The following OXR1 variants were observed in gnomAD, a reference collection of about 807,000 sequenced individuals.
OXR1 encodes the protein oxidation resistance 1, also known as oxidation resistance protein 1.
Under a neutral mutation model 104.6 loss-of-function variants are expected in OXR1, and 41 were observed. The observed-to-expected ratio is 0.39, with a 90% CI of 0.31 to 0.51. The LOEUF is 0.51. Among genes scored for constraint, OXR1 ranks in the 20% least tolerant of loss-of-function variants. The pLI, the probability that OXR1 is intolerant of heterozygous loss-of-function variation, is 0.77. For missense variants in OXR1, 955 were observed against 1,031.9 expected, an observed-to-expected ratio of 0.93 and a Z score of 1.02; for synonymous variants, 348 against 348.4, an observed-to-expected ratio of 1.00 and a Z score of 0.01.
At chr8:106,750,173 C>T (rs966618611) in intron 16 of OXR1, among the ~76,000 whole-genome samples, 1 of 150,134 alleles carries the variant, frequency 6.7e-6, no homozygotes, top group East Asian at 1.9e-4. Context: ...AAAAACCATA[C>T]TAAAAAAAAT....
chr8:106,326,537 T>C (rs754094164), intron 1 of OXR1, among the ~76,000 whole-genome samples: 21 of 152,220 alleles, frequency 1.4e-4, no homozygotes, highest in Non-Finnish European at 2.8e-4. Context: ...GAAAATTTTG[T>C]TTTAATCTCA....
At chr8:106,678,943 T>C (rs1221455719) in intron 3 of OXR1, among the ~76,000 whole-genome samples, 1 of 152,056 alleles carries the variant, frequency 6.6e-6, no homozygotes, top group Non-Finnish European at 1.5e-5. Context: ...ATTTAGTTTT[T>C]AATGACTTCC....
At chr8:106,745,640 AC>A (rs1186850913) in intron 15 of OXR1, 148 bp from the exon 16 acceptor site, 1 of 450,174 alleles carries the variant, frequency 2.2e-6, no homozygotes, top group African/African-American at 2.0e-5. Flanking sequence ...AACCCAAACC[AC>A]CAGAGCCTTC....
chr8:106,405,174 A>AGTGTG (rs1174077859), intron 2 of OXR1, among the ~76,000 whole-genome samples: 1 of 39,688 alleles, frequency 2.5e-5, no homozygotes. Context: ...ATATATATAT[A>AGTGTG]TATATATATA....
chr8:106,536,642 G>A (rs1179026200), intron 3 of OXR1, among the ~76,000 whole-genome samples: 2 of 152,012 alleles, frequency 1.3e-5, no homozygotes, highest in African/African-American at 2.4e-5. Context: ...TAATTTTTGT[G>A]GGTACATTGT....
intron 10 of OXR1, 69 bp downstream of exon 10, chr8:106,710,859 A>C: frequency 1.0e-6 from 1 of 963,116 alleles, no homozygotes; most frequent in Non-Finnish European, 1.4e-6. Context: ...TTTGTGTGTC[A>C]AAATACCAAT....
chr8:106,328,242 T>C (rs1291140920), intron 1 of OXR1, among the ~76,000 whole-genome samples: 3 of 152,168 alleles, frequency 2.0e-5, no homozygotes, highest in Admixed American at 2.0e-4. Context: ...CCTGGATAAG[T>C]CTTTGTCCAG....
chr8:106,464,891 T>G (rs1443318492), intron 2 of OXR1, among the ~76,000 whole-genome samples: 1 of 152,006 alleles, frequency 6.6e-6, no homozygotes, highest in Non-Finnish European at 1.5e-5. Flanking sequence ...GTCACTACAT[T>G]TATACTCATT....
chr8:106,342,327 T>G (rs1178820759), intron 1 of OXR1, among the ~76,000 whole-genome samples: 2 of 151,426 alleles, frequency 1.3e-5, no homozygotes, highest in Non-Finnish European at 2.9e-5. Context: ...CTCAGCTCAC[T>G]GCAACCTCGG....
intron 2 of OXR1, among the ~76,000 whole-genome samples, chr8:106,469,751 C>T (rs572970207): frequency 6.6e-6 from 1 of 151,932 alleles, no homozygotes; most frequent in African/African-American, 2.4e-5. Flanking sequence ...TATTCAAAAA[C>T]AGGCAACAGA....
At chr8:106,714,299 G>T (rs988234824) in intron 11 of OXR1, among the ~76,000 whole-genome samples, 12 of 151,976 alleles carry the variant, frequency 7.9e-5, no homozygotes, top group Admixed American at 2.6e-4. Context: ...TTTTAATTTT[G>T]CTGTTATATT....
At chr8:106,496,930 G>T (rs939352285) in intron 2 of OXR1, among the ~76,000 whole-genome samples, 1 of 152,140 alleles carries the variant, frequency 6.6e-6, no homozygotes, top group Non-Finnish European at 1.5e-5. Flanking sequence ...GTAAACCAAA[G>T]ACTGGGAGGG....
chr8:106,489,920 T>C (rs1453895247), intron 2 of OXR1, among the ~76,000 whole-genome samples: 4 of 152,312 alleles, frequency 2.6e-5, no homozygotes, highest in African/African-American at 4.8e-5. Context: ...TTTGTCCAGA[T>C]TGAAATAGTT....
chr8:106,737,243 C>T (rs1487001701), intron 11 of OXR1, among the ~76,000 whole-genome samples: 3 of 152,000 alleles, frequency 2.0e-5, no homozygotes, highest in Non-Finnish European at 4.4e-5. Flanking sequence ...GTATAAAAAA[C>T]TATAATTTCT....
At position 106,616,282 on chromosome 8, in the gene OXR1, C is replaced by T. The variant is rs568222165; in HGVS notation, c.221-62928C>T. 7.6e-5 allele frequency among the ~76,000 whole-genome samples: 10 copies of T among 132,240 alleles called. No individual in the cohort carries two copies. The South Asian group carries it at 1.4e-3, about 19-fold the overall frequency. 86.8% of individuals were successfully genotyped at this position (132,240 alleles called of 152,430 possible). A position where few individuals can be genotyped will look rare whatever the true frequency, so the allele number is the denominator to read the frequency against. On this transcript the variant is annotated intron_variant, in intron 3 of 16. Transcript: ENST00000517566. ...TTCATCATCTTAGCCAGGATGGTCT[C>T]GATCTCCTGACCTCATGATCCGCCC...
At chr8:106,485,230 AC>A (rs1184557262) in intron 2 of OXR1, among the ~76,000 whole-genome samples, 2 of 152,110 alleles carry the variant, frequency 1.3e-5, no homozygotes, top group Non-Finnish European at 2.9e-5. Context: ...TCTGTATGAT[AC>A]TACAATGTTG....
intron 3 of OXR1, among the ~76,000 whole-genome samples, chr8:106,582,401 G>T (rs1230536909): frequency 2.6e-5 from 4 of 151,948 alleles, no homozygotes; most frequent in Middle Eastern, 3.4e-3. Flanking sequence ...CAAACCTGGG[G>T]ACAACAAGGT....
intron 3 of OXR1, among the ~76,000 whole-genome samples, chr8:106,672,544 AAAAG>A (rs749564255): frequency 7.4e-5 from 11 of 147,932 alleles, no homozygotes; most frequent in East Asian, 2.2e-4. Flanking sequence ...AAAGAAAAAG[AAAAG>A]AAAGAGAGAA....
chr8:106,693,844 A>G (rs1024352644), intron 7 of OXR1, among the ~76,000 whole-genome samples: 9 of 152,168 alleles, frequency 5.9e-5, no homozygotes, highest in Non-Finnish European at 1.2e-4. Flanking sequence ...ATTTTGCTCA[A>G]AAAATGTCTA....
Sources: allele counts gnomAD v4.1 joint callset (sites outside exome capture counted in the v4.1 genomes callset), GRCh38; gene constraint gnomAD v4.1.1; transcripts MANE v1.5; gene names NCBI Gene and HGNC (gene_info 2026-07-23, HGNC 2026-07-21).